PSME4: variants seen among roughly 807,000 people sequenced by gnomAD.
The protein encoded by PSME4 is proteasome activator complex subunit 4.
A neutral mutation model predicts 253.9 loss-of-function variants in PSME4; 89 were observed. The ratio of observed to expected loss-of-function variants is 0.35; its 90% confidence interval spans 0.30 to 0.42. The LOEUF is 0.42. Among genes scored for constraint, PSME4 ranks in the 10% least tolerant of loss-of-function variants. The probability of loss-of-function intolerance (pLI) is 1.00; values close to 1 mark genes in which losing one functional copy is unlikely to be tolerated. For synonymous variants in PSME4, 851 were observed against 759.2 expected (o/e 1.12, Z -1.99); for missense variants, 2,014 against 2,195.2 (o/e 0.92, Z 1.65).
At chr2:53,930,366 A>G (rs1668767341) in intron 10 of PSME4, among the ~76,000 whole-genome samples, 2 of 152,250 alleles carry the variant, frequency 1.3e-5, no homozygotes, top group Non-Finnish European at 2.9e-5. Context: ...TCAAAATGTT[A>G]GCTAAGCAAA....
chr2:53,960,398 CAAAAAAAAA>C (rs1355944056), intron 1 of PSME4, among the ~76,000 whole-genome samples: 1 of 55,270 alleles, frequency 1.8e-5, no homozygotes, highest in South Asian at 6.4e-4. Context: ...GACTCCATCT[CAAAAAAAAA>C]AAAAAAAAAG....
intron 1 of PSME4, among the ~76,000 whole-genome samples, chr2:53,969,687 GT>G (rs61560289): frequency 0.15 from 20,851 of 138,848 alleles, 1,816 homozygotes; most frequent in East Asian, 0.28. Flanking sequence ...ATTTTCACTC[GT>G]TTTTTTTTTT....
chr2:53,945,251 T>C (rs948905372), intron 3 of PSME4, among the ~76,000 whole-genome samples: 4 of 152,240 alleles, frequency 2.6e-5, no homozygotes, highest in African/African-American at 9.6e-5. Flanking sequence ...AAAGTAAGTG[T>C]ATGGGACATT....
intron 1 of PSME4, among the ~76,000 whole-genome samples, chr2:53,953,292 G>C (rs375113521): frequency 1.8e-4 from 28 of 151,896 alleles, no homozygotes; most frequent in African/African-American, 6.3e-4. Context: ...AAAAAGCCCA[G>C]AAATACATAT....
chr2:53,963,713 A>T (rs1670593778), intron 1 of PSME4, among the ~76,000 whole-genome samples: 1 of 152,220 alleles, frequency 6.6e-6, no homozygotes, highest in African/African-American at 2.4e-5. Flanking sequence ...AAAAAATGCA[A>T]ATGAAATGGA....
At chr2:53,927,566 C>G in intron 11 of PSME4, 83 bp from the exon 12 acceptor site, 6 of 965,056 alleles carry the variant, frequency 6.2e-6, no homozygotes, top group Non-Finnish European at 9.9e-6. Flanking sequence ...AATAAATTAC[C>G]CCAATAAATT....
At chr2:53,966,575 A>C (rs1044584489) in intron 1 of PSME4, among the ~76,000 whole-genome samples, 10 of 152,110 alleles carry the variant, frequency 6.6e-5, no homozygotes, top group African/African-American at 2.2e-4. Context: ...AAAAAAAAAA[A>C]AGATAATAAT....
intron 45 of PSME4, among the ~76,000 whole-genome samples, chr2:53,866,494 GA>G (rs1678571953): frequency 6.6e-6 from 1 of 152,140 alleles, no homozygotes; most frequent in Non-Finnish European, 1.5e-5. Flanking sequence ...CAACAATATT[GA>G]CAGTACTTTA....
intron 20 of PSME4, among the ~76,000 whole-genome samples, 167 bp from the exon 21 acceptor site, chr2:53,910,297 G>T (rs1196877147): frequency 6.6e-6 from 1 of 152,150 alleles, no homozygotes; most frequent in African/African-American, 2.4e-5. Context: ...TTCTCAAGAT[G>T]AATGCTGTTT....
In PSME4 at chr2:53,895,087, A is replaced by C; in HGVS notation, c.3843-11T>G. On this transcript the variant is annotated splice_polypyrimidine_tract_variant and intron_variant, in intron 33 of 46. Transcript: ENST00000404125. ...TAAACAACCATATTCCTATATAGTAAGAGTTCATATTTATCATACGCATAG... is the reference window on the plus strand; with the variant it reads ...TAAACAACCATATTCCTATATAGTACGAGTTCATATTTATCATACGCATAG... 3.1e-6 allele frequency: 5 copies of C among 1,593,704 alleles called. No homozygotes were observed. Among genetic ancestry groups the C allele is most frequent in the Non-Finnish European group, 4.3e-6 (5 of 1,174,310 alleles).
intron 4 of PSME4, among the ~76,000 whole-genome samples, chr2:53,938,098 AC>A (rs1669206122): frequency 6.6e-6 from 1 of 152,306 alleles, no homozygotes; most frequent in East Asian, 1.9e-4. Flanking sequence ...CAGATAAAAT[AC>A]AAGTCACTCA....
intron 1 of PSME4, among the ~76,000 whole-genome samples, chr2:53,956,484 C>G (rs1173730620): frequency 6.6e-6 from 1 of 151,874 alleles, no homozygotes; most frequent in Non-Finnish European, 1.5e-5. Context: ...GAGCCGAGAT[C>G]ACGCCACTGC....
At chr2:53,887,659 C>A (rs190677182) in intron 39 of PSME4, among the ~76,000 whole-genome samples, 192 bp from the exon 40 acceptor site, 60 of 152,308 alleles carry the variant, frequency 3.9e-4, no homozygotes, top group African/African-American at 1.3e-3. Context: ...CTGCTCATCT[C>A]TGGCTTCTGA....
chr2:53,925,952 A>G lies in PSME4; in HGVS notation c.1658+7T>C. The G allele has an allele frequency of 1.2e-6, 2 of 1,610,604 alleles. No homozygotes were observed. The highest frequency in any genetic ancestry group is 1.3e-5 in the African/African-American group (1 of 74,970). On this transcript the variant is annotated splice_region_variant and intron_variant, in intron 13 of 46. Transcript: ENST00000404125. ...CAGCTAAACGTTGGTGTGGGTTACA[A>G]GCTCACCTGTCCATAAACTGTAAGA... is the stretch of plus-strand genomic sequence containing the variant.
intron 26 of PSME4, among the ~76,000 whole-genome samples, chr2:53,904,865 G>A (rs1295353519): frequency 6.6e-6 from 1 of 151,526 alleles, no homozygotes. Flanking sequence ...GTGCGTGCCT[G>A]TAGTCCCAGC....
chr2:53,968,549 T>C (rs551967699), intron 1 of PSME4, among the ~76,000 whole-genome samples: 1 of 152,270 alleles, frequency 6.6e-6, no homozygotes, highest in Admixed American at 6.5e-5. Flanking sequence ...TTAACATGAC[T>C]TAGGAAAAAA....
At chr2:53,881,287 C>A (rs1453804385) in intron 41 of PSME4, among the ~76,000 whole-genome samples, 1 of 152,178 alleles carries the variant, frequency 6.6e-6, no homozygotes, top group Admixed American at 6.5e-5. Context: ...TCTGTACATT[C>A]TTCTCTAAGT....
Position 53,919,234 on chromosome 2 carries a change from T to G in PSME4, c.2433A>C (p.Leu811=). 1 of 1,583,788 alleles carries G rather than the reference T, an allele frequency of 6.3e-7. No individual in the cohort carries two copies. Among genetic ancestry groups the G allele is most frequent in the Non-Finnish European group, 8.5e-7 (1 of 1,170,120 alleles). ...AGTTGTGCACTATAGTCAGACTCTGTAGAATATCATCTCTAGAAAAAAAAA... is the reference window on the plus strand; with the variant it reads ...AGTTGTGCACTATAGTCAGACTCTGGAGAATATCATCTCTAGAAAAAAAAA... ...GKLEMSRDDI[L]QSLTIVHNCL... The change falls in exon 20 of 47, where the codon CTA becomes CTC. Residue 811 remains leucine, a synonymous_variant. Transcript: ENST00000404125.
chr2:53,933,874 G>A (rs1668977747), intron 8 of PSME4, among the ~76,000 whole-genome samples: 1 of 152,128 alleles, frequency 6.6e-6, no homozygotes, highest in South Asian at 2.1e-4. Context: ...TAAGAAAAAT[G>A]GGATTTTTCT....
Sources: gnomAD v4.1 joint callset for allele counts (sites outside exome capture counted in the v4.1 genomes callset) on GRCh38, gnomAD v4.1.1 for gene constraint, MANE v1.5 for transcripts, NCBI Gene and HGNC (gene_info 2026-07-23, HGNC 2026-07-21) for gene names.